MAPRE2: variants seen among roughly 807,000 people sequenced by gnomAD.
The protein encoded by MAPRE2 is microtubule-associated protein RP/EB family member 2.
MAPRE2 carries 13 observed loss-of-function variants against 43.2 expected under a neutral mutation model. The ratio of observed to expected loss-of-function variants is 0.30; its 90% CI spans 0.20 to 0.48. The LOEUF (loss-of-function observed/expected upper bound fraction) is 0.48. Among genes scored for constraint, MAPRE2 ranks in the 20% least tolerant of loss-of-function variants. The pLI is 0.99. For synonymous variants in MAPRE2, 135 were observed against 148.8 expected (o/e 0.91, Z 0.68); for missense variants, 161 against 400.2 (o/e 0.40, Z 5.10).
intron 4 of MAPRE2, among the ~76,000 whole-genome samples, chr18:35,119,027 G>T (rs933390657): frequency 6.6e-6 from 1 of 152,176 alleles, no homozygotes; most frequent in Non-Finnish European, 1.5e-5. Flanking sequence ...TGGAAGTTGT[G>T]ACTATGGAGT....
intron 1 of MAPRE2, among the ~76,000 whole-genome samples, chr18:35,055,326 C>G (rs1025571603): frequency 3.9e-5 from 6 of 152,166 alleles, no homozygotes; most frequent in Non-Finnish European, 7.3e-5. Context: ...GCAGCTTCAT[C>G]ACGCCCATCT....
chr18:35,122,775 G>A (rs1051244268), intron 4 of MAPRE2, among the ~76,000 whole-genome samples: 15 of 152,284 alleles, frequency 9.9e-5, no homozygotes, highest in African/African-American at 3.6e-4. Flanking sequence ...GTGCCAGTGG[G>A]AAAGCCCTGG....
intron 1 of MAPRE2, among the ~76,000 whole-genome samples, chr18:34,985,257 TATA>T (rs1343812420): frequency 1.9e-5 from 1 of 53,036 alleles, no homozygotes; most frequent in African/African-American, 7.5e-5. Flanking sequence ...AAATATATAA[TATA>T]ATATATTATA....
Position 35,117,829 on chromosome 18 carries a change from G to A in MAPRE2, c.611-9119G>A, listed in dbSNP as rs375077571. Among the ~76,000 whole-genome samples, 186 of 152,252 alleles carry A rather than the reference G, an allele frequency of 1.2e-3. No individual in the cohort carries two copies. The Middle Eastern group carries it at 0.024, about 19-fold the overall frequency. On this transcript the variant is annotated intron_variant, in intron 4 of 6. Coordinates refer to ENST00000300249, the MANE Select transcript of MAPRE2 (RefSeq NM_014268.4). The stretch of plus-strand genomic sequence containing the variant: ...GACACTTAATATTTTACCAAGATGC[G>A]AGGGGTGAAAAGTCAGTAGTTTATT...
chr18:35,078,894 T>C (rs1907499227), intron 2 of MAPRE2, among the ~76,000 whole-genome samples: 1 of 152,200 alleles, frequency 6.6e-6, no homozygotes, highest in African/African-American at 2.4e-5. Flanking sequence ...CTCCTAGTCT[T>C]ATGAAGTTCT....
chr18:35,040,887 T>C (rs936544065), upstream of MAPRE2, among the ~76,000 whole-genome samples: 1 of 152,200 alleles, frequency 6.6e-6, no homozygotes, highest in African/African-American at 2.4e-5. Context: ...GCTTTTTGGC[T>C]TGTTTTTGGG....
chr18:35,127,058 G>C lies in MAPRE2; in HGVS notation c.721G>C (p.Glu241Gln). 6.2e-7 allele frequency: 1 copy of C among 1,614,126 alleles called. No individual in the cohort carries two copies. ...AGCATCCAAATCCGATAAAGATTTA[G>C]AAACGCAGGTCATACAGCTTAATGA... The part of the protein sequence containing the change: ...GSASKSDKDL[E>Q]TQVIQLNEQV... Residue 241 changes from glutamate (E) to glutamine (Q), a missense_variant, in exon 5 of 7, where the codon GAA becomes CAA. By Grantham distance (29) the Glu-to-Gln change is conservative (BLOSUM62 2). Around this residue, in one of 2 missense-constraint regions of MAPRE2, gnomAD observed 96 missense variants for 153.3 expected, o/e 0.63. Coordinates refer to ENST00000300249, the MANE Select transcript of MAPRE2 (RefSeq NM_014268.4).
intron 1 of MAPRE2, among the ~76,000 whole-genome samples, chr18:34,978,987 G>A (rs2097014666): frequency 6.6e-6 from 1 of 152,164 alleles, no homozygotes. Flanking sequence ...CCAAGTTGGG[G>A]AAACTCTACA....
At chr18:35,005,109 G>T (rs1001423987) in intron 1 of MAPRE2, among the ~76,000 whole-genome samples, 3 of 152,116 alleles carry the variant, frequency 2.0e-5, no homozygotes, top group Non-Finnish European at 4.4e-5. Flanking sequence ...AATTGATGTT[G>T]GTATTTGATA....
At chr18:35,022,451 T>C (rs997022094) in intron 2 of MAPRE2, among the ~76,000 whole-genome samples, 1 of 152,050 alleles carries the variant, frequency 6.6e-6, no homozygotes, top group African/African-American at 2.4e-5. Flanking sequence ...AGTTAAAAGC[T>C]CTAGAAAAAA....
chr18:35,062,175 A>G (rs529159514), intron 1 of MAPRE2, among the ~76,000 whole-genome samples: 101 of 152,316 alleles, frequency 6.6e-4, no homozygotes, highest in African/African-American at 2.3e-3. Context: ...GATGTCTGTG[A>G]TGGGACTGAA....
chr18:35,067,953 C>T (rs2150621242), intron 1 of MAPRE2, among the ~76,000 whole-genome samples: 1 of 152,232 alleles, frequency 6.6e-6, no homozygotes, highest in Admixed American at 6.5e-5. Flanking sequence ...GTGTACAAAG[C>T]AGTAATTATG....
intron 4 of MAPRE2, among the ~76,000 whole-genome samples, chr18:35,115,732 T>C (rs1909383306): frequency 6.6e-6 from 1 of 152,210 alleles, no homozygotes; most frequent in African/African-American, 2.4e-5. Context: ...TAGTATTCCG[T>C]GATGTATATA....
At chr18:35,100,677 C>T (rs1434808291) in intron 3 of MAPRE2, among the ~76,000 whole-genome samples, 1 of 152,194 alleles carries the variant, frequency 6.6e-6, no homozygotes, top group Non-Finnish European at 1.5e-5. Context: ...TTCATCTCCA[C>T]TCTCTAGTAA....
chr18:35,079,587 T>C (rs1166851834), intron 2 of MAPRE2, among the ~76,000 whole-genome samples: 2 of 152,212 alleles, frequency 1.3e-5, no homozygotes, highest in African/African-American at 2.4e-5. Flanking sequence ...CATATAGCCA[T>C]TCTAGATCTG....
chr18:34,980,278 G>T (rs1221084845), intron 1 of MAPRE2, among the ~76,000 whole-genome samples: 1 of 152,002 alleles, frequency 6.6e-6, no homozygotes, highest in African/African-American at 2.4e-5. Context: ...ACCCGCCTCG[G>T]CCTCCCAAAC....
chr18:34,998,772 ATT>A (rs67933808), intron 1 of MAPRE2, among the ~76,000 whole-genome samples: 1,685 of 93,548 alleles, frequency 0.018, 19 homozygotes, highest in African/African-American at 0.078. Flanking sequence ...CGAAGTTGCA[ATT>A]TTTTTTTTTT....
intron 1 of MAPRE2, among the ~76,000 whole-genome samples, chr18:35,059,752 C>G (rs1032832148): frequency 2.0e-5 from 3 of 152,158 alleles, no homozygotes; most frequent in Non-Finnish European, 4.4e-5. Flanking sequence ...GCATGAGATG[C>G]AGCCAACCCT....
chr18:35,061,787 T>C (rs964063103), intron 1 of MAPRE2, among the ~76,000 whole-genome samples: 7 of 152,212 alleles, frequency 4.6e-5, no homozygotes. Context: ...AGAGACACCC[T>C]CTTTGACTCC....
Sources: allele counts gnomAD v4.1 joint callset (sites outside exome capture counted in the v4.1 genomes callset), GRCh38; gene constraint gnomAD v4.1.1; regional missense constraint gnomAD v4.1.1; transcripts MANE v1.5; gene names NCBI Gene and HGNC (gene_info 2026-07-23, HGNC 2026-07-21).